The following CNTNAP2 variants were observed in gnomAD, a reference collection of about 807,000 sequenced individuals.
CNTNAP2 encodes the protein contactin-associated protein-like 2.
Under a neutral mutation model 155.2 loss-of-function variants are expected in CNTNAP2, and 98 were observed. That is an observed-to-expected ratio of 0.63 (90% CI 0.54 to 0.75). The LOEUF is 0.75. CNTNAP2 is among the 30% of genes least tolerant of loss of function. CNTNAP2 has a pLI of 0.00. For missense variants in CNTNAP2, 1,727 were observed against 1,688.1 expected (o/e 1.02, Z -0.40); for synonymous variants, 651 against 631.2 (o/e 1.03, Z -0.47).
In CNTNAP2 at chr7:147,465,070, C is replaced by T. The variant is rs140706909; in HGVS notation, c.1671-20865C>T. On this transcript the variant is annotated intron_variant, in intron 10 of 23. Coordinates refer to ENST00000361727, the MANE Select transcript of CNTNAP2 (RefSeq NM_014141.6). The stretch of plus-strand genomic sequence containing the variant: ...TTCATGCAGAAACAGAAAAATATCA[C>T]GTTCTCATTTATAATTGGAATCTAA... 1.7e-3 allele frequency among the ~76,000 whole-genome samples: 255 copies of T among 152,240 alleles called. 4 individuals are homozygous for T. Among genetic ancestry groups the T allele is most frequent in the Admixed American group, 5.9e-4 (9 of 15,296 alleles).
intron 11 of CNTNAP2, among the ~76,000 whole-genome samples, chr7:147,516,263 C>CA (rs1799124589): frequency 1.3e-5 from 2 of 151,650 alleles, no homozygotes; most frequent in African/African-American, 2.4e-5. Flanking sequence ...ATGTGTAGAA[C>CA]AAAAAAATAG....
intron 1 of CNTNAP2, among the ~76,000 whole-genome samples, chr7:146,443,525 C>T (rs1796358186): frequency 6.6e-6 from 1 of 152,198 alleles, no homozygotes; most frequent in Non-Finnish European, 1.5e-5. Context: ...ATAACTCTTA[C>T]TGCTCCCAGT....
chr7:146,594,469 G>C (rs557542262), intron 1 of CNTNAP2, among the ~76,000 whole-genome samples: 1 of 146,442 alleles, frequency 6.8e-6, no homozygotes, highest in East Asian at 2.0e-4. Context: ...TTTCATAAAT[G>C]TGACTCCCTA....
intron 3 of CNTNAP2, among the ~76,000 whole-genome samples, chr7:146,852,154 G>A (rs1467739959): frequency 6.6e-6 from 1 of 151,994 alleles, no homozygotes; most frequent in East Asian, 1.9e-4. Context: ...ATTTTGGGGG[G>A]ACAAAATTAA....
At chr7:146,225,596 C>T (rs1799280308) in intron 1 of CNTNAP2, among the ~76,000 whole-genome samples, 1 of 152,156 alleles carries the variant, frequency 6.6e-6, no homozygotes, top group South Asian at 2.1e-4. Context: ...ATATTATGTG[C>T]CAGGGAGACG....
chr7:147,270,581 C>T (rs944524190), intron 8 of CNTNAP2, among the ~76,000 whole-genome samples: 17 of 152,172 alleles, frequency 1.1e-4, no homozygotes, highest in African/African-American at 3.1e-4. Context: ...GTATGTACAT[C>T]GCCACCCACC....
chr7:148,300,027 G>A (rs768218293), intron 21 of CNTNAP2, among the ~76,000 whole-genome samples: 1 of 152,174 alleles, frequency 6.6e-6, no homozygotes, highest in Admixed American at 6.5e-5. Flanking sequence ...AATTCACCTT[G>A]AGAGAGTTGA....
In CNTNAP2 at chr7:148,157,649, T is replaced by C. The variant is rs1805426293; in HGVS notation, c.2773+9940T>C. Among the ~76,000 whole-genome samples, 3 of 150,422 alleles carry C rather than the reference T, an allele frequency of 2.0e-5. 1 individual carries two copies. Among genetic ancestry groups the C allele is most frequent in the South Asian group, 4.2e-4 (2 of 4,760 alleles). ...TTCAAATCAGTCTAGAGCCTGAGCA[T>C]AGTTTTCAGTCTTCCTGATATCAAA... On this transcript the variant is annotated intron_variant, in intron 17 of 23. Coordinates refer to ENST00000361727, the MANE Select transcript of CNTNAP2 (RefSeq NM_014141.6).
At chr7:147,673,863 A>G (rs700315) in intron 13 of CNTNAP2, among the ~76,000 whole-genome samples, 60,135 of 152,110 alleles carry the variant, frequency 0.4, 15,706 homozygotes, top group African/African-American at 0.74. Context: ...ACTTCTTTAT[A>G]TCTTTCAAAT....
intron 10 of CNTNAP2, among the ~76,000 whole-genome samples, chr7:147,402,129 C>T (rs1218660068): frequency 6.6e-6 from 1 of 152,198 alleles, no homozygotes; most frequent in Admixed American, 6.5e-5. Context: ...AATCACTCCT[C>T]CTTTCCGTGT....
intron 2 of CNTNAP2, among the ~76,000 whole-genome samples, chr7:146,822,272 G>A (rs574078097): frequency 6.6e-6 from 1 of 152,028 alleles, no homozygotes; most frequent in Admixed American, 6.6e-5. Context: ...ATTGAACAAT[G>A]AGATCACATG....
chr7:147,406,507 T>G (rs1052549535), intron 10 of CNTNAP2, among the ~76,000 whole-genome samples: 1 of 152,086 alleles, frequency 6.6e-6, no homozygotes, highest in African/African-American at 2.4e-5. Context: ...TTTGTATTGT[T>G]GTATCTATAC....
intron 1 of CNTNAP2, among the ~76,000 whole-genome samples, chr7:146,529,317 A>AT (rs1369129798): frequency 4.6e-5 from 7 of 152,154 alleles, no homozygotes; most frequent in Admixed American, 1.3e-4. Flanking sequence ...TTGGGAGATG[A>AT]TTTTTTGTCT....
At chr7:147,417,536 A>G (rs1430071774) in intron 10 of CNTNAP2, among the ~76,000 whole-genome samples, 1 of 152,188 alleles carries the variant, frequency 6.6e-6, no homozygotes, top group African/African-American at 2.4e-5. Context: ...TTTGGCGGGG[A>G]CATAAACATT....
intron 1 of CNTNAP2, among the ~76,000 whole-genome samples, chr7:146,135,670 T>C (rs1797787001): frequency 6.6e-6 from 1 of 152,156 alleles, no homozygotes; most frequent in African/African-American, 2.4e-5. Flanking sequence ...TGACAATATT[T>C]TTACCTACCT....
Position 147,043,939 on chromosome 7 carries a change from G to T in CNTNAP2, c.435G>T (p.Val145=), listed in dbSNP as rs2129255306. The T allele has an allele frequency of 6.2e-7, 1 of 1,614,132 alleles. No homozygotes were observed. Among genetic ancestry groups the T allele is most frequent in the Non-Finnish European group, 8.5e-7 (1 of 1,179,996 alleles). Residue 145 remains valine (V), a synonymous_variant, in exon 4 of 24, where the codon GTG becomes GTT. Transcript: ENST00000361727. ...AFPGNINSDG[V]VRHELQHPII... ...CCGGAAACATTAACTCTGACGGTGT[G>T]GTCCGGCACGAATTACAGCATCCGA...
chr7:147,396,108 G>T (rs1167962377), intron 10 of CNTNAP2, among the ~76,000 whole-genome samples: 2 of 146,204 alleles, frequency 1.4e-5, no homozygotes, highest in African/African-American at 5.0e-5. Flanking sequence ...TGTATATATA[G>T]CATATATGAG....
At chr7:147,828,153 G>A (rs890773603) in intron 13 of CNTNAP2, among the ~76,000 whole-genome samples, 1 of 152,154 alleles carries the variant, frequency 6.6e-6, no homozygotes, top group African/African-American at 2.4e-5. Flanking sequence ...TGTGCTTCCA[G>A]GTACAGCACT....
rs80257111 is a variant in CNTNAP2, at chr7:147,206,471, G to A, written c.1348+73962G>A. Among the ~76,000 whole-genome samples, 167 of 152,218 alleles carry A rather than the reference G, an allele frequency of 1.1e-3. No homozygotes were observed. The East Asian group carries it at 0.026, about 24-fold the overall frequency. On this transcript the variant is annotated intron_variant, in intron 8 of 23. Coordinates refer to ENST00000361727, the MANE Select transcript of CNTNAP2 (RefSeq NM_014141.6). ...CCAGCTACTCAGGTGGCTGAGGCAC[G>A]AGAATCACTTGAACCTGGGCAGCGG... is the stretch of plus-strand genomic sequence containing the variant.
Sources: gnomAD v4.1 joint callset for allele counts (sites outside exome capture counted in the v4.1 genomes callset) on GRCh38, gnomAD v4.1.1 for gene constraint, MANE v1.5 for transcripts, NCBI Gene and HGNC (gene_info 2026-07-23, HGNC 2026-07-21) for gene names.